The following MYL5 variants were observed in gnomAD, a reference collection of about 807,000 sequenced individuals.
MYL5 encodes the protein myosin light chain 5.
MYL5 carries 28 observed loss-of-function variants against 20.8 expected under a neutral mutation model. That is an observed-to-expected ratio of 1.35 (90% CI 1.00 to 1.84). MYL5 has a LOEUF of 1.84. MYL5 is among the 40% of genes most tolerant of loss of function. MYL5 has a pLI of 0.00. For synonymous variants in MYL5, 118 were observed against 87.4 expected, an observed-to-expected ratio of 1.35 and a Z score of -1.95; for missense variants, 274 against 227.3, an observed-to-expected ratio of 1.21 and a Z score of -1.32.
intron 3 of MYL5, among the ~76,000 whole-genome samples, chr4:679,454 G>A (rs116497768): frequency 0.018 from 2,734 of 152,122 alleles, 79 homozygotes; most frequent in African/African-American, 0.063. Flanking sequence ...AGCACAGCCC[G>A]AGTGTGGTGG....
rs768035806 is a variant in MYL5, at chr4:680,560, A to T, written c.344A>T (p.Asp115Val). ...AACGCCTTCAAGATGCTGGACCCGG[A>T]CGGGAAAGGGAAAATCAACAAGGAG... The change falls in exon 5 of 7, where the codon GAC becomes GTC. Residue 115 changes from aspartate to valine, a missense_variant. Coordinates refer to ENST00000400159, the Ensembl canonical transcript of MYL5. 25 of 1,613,314 alleles carry T rather than the reference A, an allele frequency of 1.5e-5. No individual in the cohort carries two copies. The highest frequency in any genetic ancestry group is 2.0e-5 in the Non-Finnish European group (24 of 1,179,924).
chr4:677,376 C>T (rs1300671907), upstream of MYL5, among the ~76,000 whole-genome samples: 1 of 152,208 alleles, frequency 6.6e-6, no homozygotes, highest in East Asian at 1.9e-4. Context: ...AGACCAGGCT[C>T]AGGGCCCTAG....
At chr4:674,588 G>C (rs1257180397), upstream of MYL5, 5 of 395,540 alleles carry the variant, frequency 1.3e-5, no homozygotes, top group Non-Finnish European at 4.6e-6. Flanking sequence ...CGCTGCTGCC[G>C]AGGCCCCGCC....
chr4:678,898 A>AG, intron 2 of MYL5, 60 bp from the exon 5 acceptor site: 1 of 1,609,440 alleles, frequency 6.2e-7, no homozygotes, highest in Non-Finnish European at 8.5e-7. Flanking sequence ...AACCGGGAGC[A>AG]GGGGGCGGGG....
upstream of MYL5, chr4:677,918 G>A: frequency 6.3e-7 from 1 of 1,590,034 alleles, no homozygotes; most frequent in South Asian, 1.1e-5. Flanking sequence ...GCCTGTCCTT[G>A]TAGGGAGTGG....
chr4:679,036 A>AG lies in MYL5; in HGVS notation c.187+5dup, dbSNP rs1560153439. The stretch of plus-strand genomic sequence containing the variant: ...GAAGGACACCTATGCCTCCCTGGGT[A>AG]GGTACCCAGGCAGAACGCCTCAGAG... On this transcript the variant is annotated splice_donor_region_variant and intron_variant, in intron 3 of 6. Transcript: ENST00000400159. 1 of 1,613,288 alleles carries AG rather than the reference A, an allele frequency of 6.2e-7. No individual in the cohort carries two copies. The highest frequency in any genetic ancestry group is 2.2e-5 in the East Asian group (1 of 44,862).
At chr4:680,791 G>T in intron 5 of MYL5, 1 of 652,292 alleles carries the variant, frequency 1.5e-6, no homozygotes, top group East Asian at 2.7e-5. Flanking sequence ...TGTGCCCGGT[G>T]GGGGTGGGGC....
exon 3 of MYL5, chr4:679,023 T>C (rs1739149871): frequency 6.2e-7 from 1 of 1,613,670 alleles, no homozygotes; most frequent in Non-Finnish European, 8.5e-7. Flanking sequence ...AGGACACCTA[T>C]GCCTCCCTGG....
At chr4:680,968 C>T (rs1392630212) in intron 5 of MYL5, 124 bp from the exon 8 acceptor site, 2 of 1,128,838 alleles carry the variant, frequency 1.8e-6, no homozygotes, top group Non-Finnish European at 2.6e-6. Context: ...GGGCCACACT[C>T]CAGCGGGAAG....
intron 1 of MYL5, 38 bp downstream of exon 3, chr4:678,067 G>A (rs1458897067): frequency 1.2e-5 from 19 of 1,611,520 alleles, no homozygotes; most frequent in East Asian, 2.2e-5. Context: ...GCAGGCGTGT[G>A]GGTGTGAGCT....
rs773730660 is a variant in MYL5 at position 679,139 on chromosome 4, C to G, written c.187+106C>G. On this transcript the variant is annotated intron_variant, in intron 3 of 6. Coordinates refer to ENST00000400159, the Ensembl canonical transcript of MYL5. ...TCCTCGAATGGAGCCAGGGCCCGCG[C>G]CTCAGAGGCCCACCAACGGCCCTGA... 3 of 1,087,092 alleles carry G rather than the reference C, an allele frequency of 2.8e-6. No homozygotes were observed. The South Asian group carries it at 3.9e-5, about 14-fold the overall frequency. The allele number at this position is 1,087,092 out of a possible 1,614,324, so 67.3% of individuals were successfully genotyped here. A position where few individuals can be genotyped will look rare whatever the true frequency, so the allele number is the denominator to read the frequency against.
chr4:677,012 G>C (rs1738908130), upstream of MYL5: 2 of 836,538 alleles, frequency 2.4e-6, no homozygotes, highest in African/African-American at 1.8e-5. Flanking sequence ...AGTGGCACCT[G>C]TCTTTTTAGC....
rs754823507 is a variant in MYL5 at position 679,040 on chromosome 4, A to G, written c.187+7A>G. On this transcript the variant is annotated splice_region_variant and intron_variant, in intron 3 of 6. Transcript: ENST00000400159. ...GACACCTATGCCTCCCTGGGTAGGT[A>G]CCCAGGCAGAACGCCTCAGAGCCCT... The G allele has an allele frequency of 1.2e-6, 2 of 1,612,940 alleles. No homozygotes were observed. Among genetic ancestry groups the G allele is most frequent in the Non-Finnish European group, 1.7e-6 (2 of 1,179,358 alleles).
chr4:674,754 G>C (rs551101482), upstream of MYL5: 1 of 170,610 alleles, frequency 5.9e-6, no homozygotes, highest in African/African-American at 2.4e-5. Context: ...CAGGGACCTG[G>C]GGGTCCTGGG....
chr4:676,733 A>G (rs1738879602), upstream of MYL5, among the ~76,000 whole-genome samples: 1 of 152,158 alleles, frequency 6.6e-6, no homozygotes, highest in South Asian at 2.1e-4. Context: ...GTGCCCCTTC[A>G]GGATCACACC....
exon 5 of MYL5, chr4:680,580 AAGG>A (rs746552736): frequency 2.5e-6 from 4 of 1,612,812 alleles, no homozygotes; most frequent in Admixed American, 1.7e-5. Flanking sequence ...GAAAATCAAC[AAGG>A]AGTAGTGAGT....
chr4:681,285 G>A (rs1482715845), intron 6 of MYL5, 145 bp downstream of exon 8: 34 of 937,272 alleles, frequency 3.6e-5, no homozygotes, highest in Non-Finnish European at 5.4e-5. Context: ...CTCCCGAAGT[G>A]CCCGTCTGAG....
chr4:681,440 CCCA>C (rs1739508329), intron 6 of MYL5, among the ~76,000 whole-genome samples: 1 of 150,882 alleles, frequency 6.6e-6, no homozygotes, highest in African/African-American at 2.4e-5. Context: ...GGAGCCGCCC[CCCA>C]CCCCCGACGC....
intron 3 of MYL5, chr4:679,259 T>C: frequency 1.5e-6 from 1 of 648,842 alleles, no homozygotes; most frequent in South Asian, 1.6e-5. Flanking sequence ...AGCCCAAGCC[T>C]GGAAACTCAG....
Sources: allele counts gnomAD v4.1 joint callset (sites outside exome capture counted in the v4.1 genomes callset), GRCh38; gene constraint gnomAD v4.1.1; transcripts MANE v1.5; gene names NCBI Gene and HGNC (gene_info 2026-07-23, HGNC 2026-07-21).